AP3D1: variants seen among roughly 807,000 people sequenced by gnomAD.
The protein encoded by AP3D1 is AP-3 complex subunit delta-1.
In AP3D1, 51 loss-of-function variants were observed where a neutral mutation model predicts 147.6. That is an observed-to-expected ratio of 0.35 (90% CI 0.28 to 0.44). The LOEUF (loss-of-function observed/expected upper bound fraction) is 0.44, where lower values mean the gene tolerates loss of function less well. Among genes scored for constraint, AP3D1 ranks in the 20% least tolerant of loss-of-function variants. The probability of loss-of-function intolerance (pLI) is 1.00; values close to 1 mark genes in which losing one functional copy is unlikely to be tolerated. For missense variants in AP3D1, 1,421 were observed against 1,624.2 expected, an observed-to-expected ratio of 0.87 and a Z score of 2.15; for synonymous variants, 760 against 663.0, an observed-to-expected ratio of 1.15 and a Z score of -2.25.
intron 5 of AP3D1, 34 bp downstream of exon 5, chr19:2,132,437 C>A: frequency 6.4e-7 from 1 of 1,558,438 alleles, no homozygotes; most frequent in Non-Finnish European, 8.8e-7. Context: ...CCAGAGCAGA[C>A]ATGCAGGGGT....
Position 2,129,420 on chromosome 19 carries a change from C to G in AP3D1, c.630G>C (p.Leu210=). 1 of 1,614,094 alleles carries G rather than the reference C, an allele frequency of 6.2e-7. No homozygotes were observed. Among genetic ancestry groups the G allele is most frequent in the South Asian group, 1.1e-5 (1 of 91,084 alleles). The change falls in exon 7 of 32, where the codon CTG becomes CTC. Residue 210 remains leucine (L), a synonymous_variant. Coordinates refer to ENST00000643116, the MANE Select transcript of AP3D1 (RefSeq NM_001261826.3). ...QSAAVNVICE[L]ARRNPKNYLS... is the part of the protein sequence containing the mutation. ...GGTAGTTCTTAGGGTTGCGTCTGGC[C>G]AGCTCGCAGATGACATTGACGGCAG...
intron 1 of AP3D1, among the ~76,000 whole-genome samples, chr19:2,147,432 T>A (rs1485961138): frequency 6.8e-5 from 9 of 133,310 alleles, no homozygotes; most frequent in Admixed American, 2.2e-4. Context: ...TTTTTTTTTT[T>A]AGTTGGAGTC....
intron 1 of AP3D1, among the ~76,000 whole-genome samples, chr19:2,149,646 C>G (rs2144574746): frequency 6.6e-6 from 1 of 151,978 alleles, no homozygotes; most frequent in East Asian, 1.9e-4. Flanking sequence ...GGAAGAAAAC[C>G]AGGCTCAGGG....
At chr19:2,118,514 C>A in intron 15 of AP3D1, 87 bp downstream of exon 15, 1 of 1,264,120 alleles carries the variant, frequency 7.9e-7, no homozygotes, top group East Asian at 2.5e-5. Flanking sequence ...GAAGAGGAAG[C>A]GAGGCCCCGT....
At chr19:2,150,595 C>T (rs2019479810) in intron 1 of AP3D1, among the ~76,000 whole-genome samples, 2 of 152,202 alleles carry the variant, frequency 1.3e-5, no homozygotes, top group Admixed American at 6.5e-5. Flanking sequence ...TGGCAGCAGC[C>T]CCACCTTCCT....
At position 2,101,211 on chromosome 19, in the gene AP3D1, T is replaced by C. The variant is rs2017942424; in HGVS notation, c.*962A>G. ...GGAGAAGATAAAATGTCATTATCTCTGAAGAAGGGTCAGTCCTGTGCCCAC... is the reference window on the plus strand; with the variant it reads ...GGAGAAGATAAAATGTCATTATCTCCGAAGAAGGGTCAGTCCTGTGCCCAC... On this transcript the variant is annotated 3_prime_UTR_variant, in exon 32 of 32. Coordinates refer to ENST00000643116, the MANE Select transcript of AP3D1 (RefSeq NM_001261826.3). 6.6e-6 allele frequency: 1 copy of C among 152,522 alleles called. No individual in the cohort carries two copies. Among genetic ancestry groups the C allele is most frequent in the Admixed American group, 6.5e-5 (1 of 15,284 alleles). 9.4% of individuals were successfully genotyped at this position (152,522 alleles called of 1,614,324 possible).
chr19:2,155,842 G>C (rs2019640811), upstream of AP3D1, among the ~76,000 whole-genome samples: 1 of 152,078 alleles, frequency 6.6e-6, no homozygotes, highest in African/African-American at 2.4e-5. Context: ...CAGGAGGTCA[G>C]GAGATTGAGA....
chr19:2,142,750 T>G (rs1169276363), intron 1 of AP3D1, among the ~76,000 whole-genome samples: 6 of 138,086 alleles, frequency 4.3e-5, no homozygotes, highest in Non-Finnish European at 8.2e-5. Context: ...TGAGGGGTTT[T>G]TTCTGTTTTT....
At chr19:2,161,770 G>A (rs953115761) in intron 1 of AP3D1, among the ~76,000 whole-genome samples, 4 of 151,632 alleles carry the variant, frequency 2.6e-5, no homozygotes, top group Non-Finnish European at 5.9e-5. Flanking sequence ...CCAACATGGC[G>A]AGACCCTATC....
chr19:2,110,573 A>C (rs2018242736), intron 27 of AP3D1, 134 bp downstream of exon 27: 1 of 947,132 alleles, frequency 1.1e-6, no homozygotes, highest in East Asian at 2.7e-5. Context: ...GACACTCAGG[A>C]GGTACTGAGG....
intron 1 of AP3D1, among the ~76,000 whole-genome samples, chr19:2,157,480 CCCACCTATCCAGCCAACCAT>C (rs1318071520): frequency 6.7e-6 from 1 of 148,882 alleles, no homozygotes; most frequent in African/African-American, 2.5e-5. Context: ...AAACATCTAC[CCCACCTATCCAGCCAACCAT>C]CCACCTATCC....
chr19:2,129,323 T>G lies in AP3D1; in HGVS notation c.727A>C (p.Lys243Gln). Residue 243 changes from lysine (K) to glutamine (Q), a missense_variant, in exon 7 of 32, where the codon AAG becomes CAG. Physicochemically the swap from Lys to Gln is moderately conservative, Grantham distance 53. This residue lies in a region of AP3D1 where 292 missense variants were observed against 412.0 expected (regional missense o/e 0.71). Coordinates refer to ENST00000643116, the MANE Select transcript of AP3D1 (RefSeq NM_001261826.3). ...CATTCCCGGGCAGTACTTGCCAGCT[T>G]GATGATCTTGATGAGGACCCAGTTG... The part of the protein sequence containing the change: ...TNNWVLIKII[K>Q]LFGALTPLEP... 6.2e-7 allele frequency: 1 copy of G among 1,613,896 alleles called. No homozygotes were observed. The highest frequency in any genetic ancestry group is 8.5e-7 in the Non-Finnish European group (1 of 1,180,002).
upstream of AP3D1, among the ~76,000 whole-genome samples, chr19:2,151,964 G>C (rs1014653624): frequency 6.6e-6 from 1 of 152,206 alleles, no homozygotes; most frequent in Non-Finnish European, 1.5e-5. Flanking sequence ...TAGCTGACGC[G>C]GCCTGAGAGC....
intron 14 of AP3D1, among the ~76,000 whole-genome samples, chr19:2,119,474 A>G (rs1454086391): frequency 6.6e-6 from 1 of 152,128 alleles, no homozygotes. Flanking sequence ...CGGGCGGATC[A>G]TGAGGTCAAC....
chr19:2,163,832 G>A (rs1227851733), intron 1 of AP3D1, among the ~76,000 whole-genome samples: 1 of 150,632 alleles, frequency 6.6e-6, no homozygotes, highest in Non-Finnish European at 1.5e-5. Context: ...CGAGGGGGTG[G>A]CGCGCGCGGG....
At chr19:2,158,411 G>A (rs1363776313) in intron 1 of AP3D1, among the ~76,000 whole-genome samples, 1 of 150,748 alleles carries the variant, frequency 6.6e-6, no homozygotes, top group African/African-American at 2.4e-5. Flanking sequence ...GGTTGTAGTG[G>A]AGTGGCACCA....
intron 1 of AP3D1, among the ~76,000 whole-genome samples, chr19:2,158,357 G>A (rs2019666243): frequency 1.5e-5 from 2 of 135,724 alleles, no homozygotes; most frequent in African/African-American, 2.7e-5. Flanking sequence ...TGCTCGACCT[G>A]TTTTTTTTTT....
chr19:2,104,586 C>T (rs886229154), intron 31 of AP3D1, among the ~76,000 whole-genome samples: 23 of 152,040 alleles, frequency 1.5e-4, no homozygotes, highest in South Asian at 4.2e-4. Flanking sequence ...GAAACCAACA[C>T]GAAGACCCCA....
At chr19:2,103,298 A>G (rs780620422) in intron 31 of AP3D1, among the ~76,000 whole-genome samples, 5 of 152,070 alleles carry the variant, frequency 3.3e-5, no homozygotes, top group Non-Finnish European at 7.4e-5. Flanking sequence ...GCTCCAGCCT[A>G]CATAGAAGTG....
Sources: allele counts gnomAD v4.1 joint callset (sites outside exome capture counted in the v4.1 genomes callset), GRCh38; gene constraint gnomAD v4.1.1; regional missense constraint gnomAD v4.1.1; transcripts MANE v1.5; gene names NCBI Gene and HGNC (gene_info 2026-07-23, HGNC 2026-07-21).